CLVS1: variants seen among roughly 807,000 people sequenced by gnomAD.
The protein encoded by CLVS1 is clavesin 1.
A neutral mutation model predicts 33.1 loss-of-function variants in CLVS1; 10 were observed. The ratio of observed to expected loss-of-function variants is 0.30; its 90% confidence interval spans 0.19 to 0.51. The LOEUF is 0.51. CLVS1 is among the 20% of genes least tolerant of loss of function. The pLI is 0.97. For synonymous variants in CLVS1, 163 were observed against 166.1 expected (o/e 0.98, Z 0.14); for missense variants, 343 against 433.4 (o/e 0.79, Z 1.85).
chr8:61,156,992 T>C (rs1563424493), intron 2 of CLVS1, among the ~76,000 whole-genome samples: 2 of 152,312 alleles, frequency 1.3e-5, no homozygotes, highest in South Asian at 4.1e-4. Flanking sequence ...AATTCTTTTT[T>C]GATTGCAGAA....
At chr8:61,471,308 T>G (rs1370738779) in intron 5 of CLVS1, among the ~76,000 whole-genome samples, 1 of 152,176 alleles carries the variant, frequency 6.6e-6, no homozygotes, top group African/African-American at 2.4e-5. Flanking sequence ...AAAAACAGCA[T>G]GATGGCTATT....
intron 2 of CLVS1, among the ~76,000 whole-genome samples, chr8:61,278,915 C>G (rs1327390712): frequency 6.6e-6 from 1 of 152,170 alleles, no homozygotes; most frequent in Non-Finnish European, 1.5e-5. Context: ...ATTGACAGCA[C>G]AAGCTTGGGA....
At chr8:61,395,532 T>C (rs1415814088) in intron 3 of CLVS1, among the ~76,000 whole-genome samples, 1 of 152,252 alleles carries the variant, frequency 6.6e-6, no homozygotes, top group African/African-American at 2.4e-5. Flanking sequence ...TGAATCATTC[T>C]ATAATTTACA....
intron 3 of CLVS1, among the ~76,000 whole-genome samples, chr8:61,445,887 A>G (rs1266908640): frequency 1.3e-5 from 2 of 152,210 alleles, no homozygotes; most frequent in Non-Finnish European, 2.9e-5. Flanking sequence ...TTGGAGAAGT[A>G]GTTTATATTT....
intron 1 of CLVS1, among the ~76,000 whole-genome samples, chr8:61,100,944 G>C (rs79257439): frequency 0.018 from 2,768 of 152,148 alleles, 90 homozygotes; most frequent in African/African-American, 0.061. Context: ...CTATTGTATG[G>C]ATATAATACA....
At chr8:61,321,094 G>A (rs114932589) in intron 2 of CLVS1, among the ~76,000 whole-genome samples, 35 of 152,210 alleles carry the variant, frequency 2.3e-4, no homozygotes, top group African/African-American at 8.4e-4. Context: ...CTCAATGTCT[G>A]TTTTTCCACC....
In CLVS1 at chr8:61,113,333, T is replaced by A. The variant is rs140532678; in HGVS notation, c.-242-18437T>A. Among the ~76,000 whole-genome samples, 311 of 152,172 alleles carry A rather than the reference T, an allele frequency of 2.0e-3. 2 individuals carry two copies. The highest frequency in any genetic ancestry group is 6.4e-3 in the African/African-American group (264 of 41,516). ...TGCTATAAACCCACAGGCTGCTGAG[T>A]CCTAGAGAATGTCCAGATGAAACAA... On this transcript the variant is annotated intron_variant, in intron 1 of 2. Coordinates refer to the CLVS1 transcript ENST00000522621.
intron 2 of CLVS1, among the ~76,000 whole-genome samples, chr8:61,160,690 GC>G (rs1424790541): frequency 5.3e-5 from 8 of 151,910 alleles, no homozygotes; most frequent in Non-Finnish European, 1.0e-4. Flanking sequence ...TTTTTGGTGG[GC>G]ATTTACTTTT....
At chr8:61,352,901 A>G (rs1812529568) in intron 2 of CLVS1, among the ~76,000 whole-genome samples, 1 of 152,104 alleles carries the variant, frequency 6.6e-6, no homozygotes, top group Admixed American at 6.6e-5. Context: ...GATTTAAAGT[A>G]TATAAGAAAG....
intron 1 of CLVS1, among the ~76,000 whole-genome samples, chr8:61,064,877 A>C (rs1430316308): frequency 1.3e-5 from 2 of 152,008 alleles, no homozygotes; most frequent in Non-Finnish European, 2.9e-5. Flanking sequence ...AATTTTTTAT[A>C]TTTTTAGTAG....
intron 3 of CLVS1, among the ~76,000 whole-genome samples, chr8:61,389,509 C>CTCCA (rs1295629470): frequency 6.6e-6 from 1 of 151,860 alleles, no homozygotes; most frequent in Non-Finnish European, 1.5e-5. Context: ...CACCCCTGCA[C>CTCCA]TCCAGCCTGG....
chr8:61,064,086 A>G (rs75655485), intron 1 of CLVS1, among the ~76,000 whole-genome samples: 7,841 of 152,308 alleles, frequency 0.051, 274 homozygotes, highest in South Asian at 0.14. Flanking sequence ...ATGATATTCT[A>G]TTCTATGGAT....
At chr8:61,321,276 CTCAGGCTTTA>C (rs1275271842) in intron 2 of CLVS1, among the ~76,000 whole-genome samples, 2 of 152,046 alleles carry the variant, frequency 1.3e-5, no homozygotes, top group Non-Finnish European at 2.9e-5. Context: ...GGCACAGGCT[CTCAGGCTTTA>C]TCCACAGAAG....
the CLVS1 span, among the ~76,000 whole-genome samples, chr8:61,051,576 A>T: frequency 6.6e-6 from 1 of 152,178 alleles, no homozygotes; most frequent in Admixed American, 6.5e-5. Context: ...TGCCAAACGA[A>T]AGGCATGGAG....
At chr8:61,251,217 T>A (rs1371038064) in intron 2 of CLVS1, among the ~76,000 whole-genome samples, 2 of 152,190 alleles carry the variant, frequency 1.3e-5, no homozygotes, top group Non-Finnish European at 2.9e-5. Flanking sequence ...TGGGTTATGT[T>A]TATTGATTTG....
intron 2 of CLVS1, among the ~76,000 whole-genome samples, chr8:61,342,241 A>G (rs759952293): frequency 1.3e-5 from 2 of 152,038 alleles, no homozygotes; most frequent in Non-Finnish European, 2.9e-5. Context: ...CATCTCCCCA[A>G]CCAGAGCCGG....
At chr8:61,406,580 A>C (rs16927287) in intron 3 of CLVS1, among the ~76,000 whole-genome samples, 1 of 151,488 alleles carries the variant, frequency 6.6e-6, no homozygotes, top group Non-Finnish European at 1.5e-5. Context: ...ATTAATTCAC[A>C]TGATTCCAGG....
intron 5 of CLVS1, among the ~76,000 whole-genome samples, chr8:61,489,855 T>G (rs1036302152): frequency 2.0e-5 from 3 of 152,236 alleles, no homozygotes; most frequent in Admixed American, 6.5e-5. Context: ...CAATTCAGAC[T>G]TAAAAGAGCT....
At chr8:61,149,368 A>G (rs1006843159) in intron 2 of CLVS1, among the ~76,000 whole-genome samples, 2 of 151,942 alleles carry the variant, frequency 1.3e-5, no homozygotes, top group Admixed American at 6.6e-5. Flanking sequence ...CCTGGCCAAC[A>G]TGGCAAAACC....
Sources: gnomAD v4.1 joint callset for allele counts (sites outside exome capture counted in the v4.1 genomes callset) on GRCh38, gnomAD v4.1.1 for gene constraint, MANE v1.5 for transcripts, NCBI Gene and HGNC (gene_info 2026-07-23, HGNC 2026-07-21) for gene names.